ZNF18: variants seen among roughly 807,000 people sequenced by gnomAD.
ZNF18 encodes the protein heart development-specific gene 1 protein.
ZNF18 carries 42 observed loss-of-function variants against 58.1 expected under a neutral mutation model. The observed-to-expected ratio is 0.72, with a 90% CI of 0.56 to 0.93. The LOEUF is 0.93. ZNF18 is among the 40% of genes least tolerant of loss of function. The pLI, the probability that ZNF18 is intolerant of heterozygous loss-of-function variation, is 0.00. For missense variants in ZNF18, 540 were observed against 644.2 expected, an observed-to-expected ratio of 0.84 and a Z score of 1.75; for synonymous variants, 231 against 239.8, an observed-to-expected ratio of 0.96 and a Z score of 0.34.
At chr17:11,978,796 T>C (rs1251960461) in intron 6 of ZNF18, 52 bp from the exon 7 acceptor site, 3 of 976,032 alleles carry the variant, frequency 3.1e-6, no homozygotes, top group Admixed American at 2.7e-5. Context: ...CCCTGTTTTC[T>C]AACTCATATG....
intron 6 of ZNF18, 74 bp from the exon 7 acceptor site, chr17:11,978,818 G>T: frequency 3.8e-6 from 2 of 528,042 alleles, no homozygotes; most frequent in Non-Finnish European, 5.9e-6. Flanking sequence ...CAAAGAGAGG[G>T]TCATCATAAA....
rs1024285372 is a variant in ZNF18, at chr17:11,992,884, C to T, written c.-55G>A. 80 of 1,557,308 alleles carry T rather than the reference C, an allele frequency of 5.1e-5. No individual in the cohort carries two copies. In the African/African-American group the frequency reaches 8.7e-4, roughly 17 times the overall value. ...AGTGCTTCTGCAGTGGAATTGTCTCCGGCAAGAACTAGGTCTTCACCAGGA... is the reference window on the plus strand; with the variant it reads ...AGTGCTTCTGCAGTGGAATTGTCTCTGGCAAGAACTAGGTCTTCACCAGGA... On this transcript the variant is annotated 5_prime_UTR_variant, in exon 2 of 7. Coordinates refer to ENST00000580306, the MANE Select transcript of ZNF18 (RefSeq NM_001303281.2).
chr17:11,978,822 T>A, intron 6 of ZNF18, 78 bp from the exon 7 acceptor site: 5 of 320,434 alleles, frequency 1.6e-5, no homozygotes, highest in Middle Eastern at 1.2e-3. Context: ...GAGAGGGTCA[T>A]CATAAAACAT....
chr17:12,011,659 C>G, the ZNF18 span, among the ~76,000 whole-genome samples: 39 of 148,458 alleles, frequency 2.6e-4, no homozygotes, highest in Admixed American at 1.0e-3. Flanking sequence ...GCTAGGATTA[C>G]AGGTGTGAGC....
chr17:11,991,260 T>C (rs1338264767), intron 2 of ZNF18, 97 bp from the exon 3 acceptor site: 6 of 1,108,978 alleles, frequency 5.4e-6, no homozygotes, highest in African/African-American at 1.6e-5. Context: ...CATAAGACAA[T>C]TTCTAAGGAT....
At position 11,977,844 on chromosome 17, in the gene ZNF18, A is replaced by G; in HGVS notation, c.*113T>C. On this transcript the variant is annotated 3_prime_UTR_variant, in exon 7 of 7. Coordinates refer to ENST00000580306, the MANE Select transcript of ZNF18 (RefSeq NM_001303281.2). ...CAGATTCTCTCCTCTCCAATCCAAG[A>G]AAAAAGGAGATTAACAGGGGTATCC... 2 of 1,300,382 alleles carry G rather than the reference A, an allele frequency of 1.5e-6. No homozygotes were observed. The highest frequency in any genetic ancestry group is 1.1e-6 in the Non-Finnish European group (1 of 945,470). 80.6% of individuals were successfully genotyped at this position (1,300,382 alleles called of 1,614,324 possible).
chr17:12,020,832 C>T, the ZNF18 span: 2 of 837,520 alleles, frequency 2.4e-6, no homozygotes, highest in Admixed American at 4.4e-5. Flanking sequence ...GTGCGAGAGG[C>T]CGAGCTTGCT....
At chr17:12,002,927 A>C in the ZNF18 span, among the ~76,000 whole-genome samples, 1 of 152,106 alleles carries the variant, frequency 6.6e-6, no homozygotes, top group Non-Finnish European at 1.5e-5. Flanking sequence ...AGGAAGGGAG[A>C]CCAGAACAGA....
chr17:11,988,060 C>T (rs1234350528), intron 4 of ZNF18, among the ~76,000 whole-genome samples: 4 of 151,618 alleles, frequency 2.6e-5, no homozygotes, highest in East Asian at 1.9e-4. Flanking sequence ...TGTATAGGTT[C>T]GTGAAAAAAA....
chr17:12,001,401 G>A (rs576355812), upstream of ZNF18, among the ~76,000 whole-genome samples: 14 of 152,178 alleles, frequency 9.2e-5, no homozygotes, highest in Non-Finnish European at 1.6e-4. Flanking sequence ...AGGCTGAGGC[G>A]GGCGGATCAC....
the ZNF18 span, among the ~76,000 whole-genome samples, chr17:12,007,657 C>G: frequency 3.3e-5 from 5 of 152,142 alleles, no homozygotes; most frequent in Non-Finnish European, 7.3e-5. Context: ...AGTGGGAAGC[C>G]CCATCTGTCC....
chr17:11,995,331 T>C (rs1414413368), intron 1 of ZNF18, among the ~76,000 whole-genome samples: 1 of 150,084 alleles, frequency 6.7e-6, no homozygotes, highest in Non-Finnish European at 1.5e-5. Context: ...GAGAATTGCT[T>C]GAACCCAAGG....
rs767189931 is a variant in ZNF18 at position 11,992,767 on chromosome 17, G to C, written c.63C>G (p.Ser21=). ...GGGCAGCATCTGATTCTGAGAACTG[G>C]GAGTCCTCGGCCTTCGCCAGCGATG... ...LLPSLAKAED[S]QFSESDAALQ... The change falls in exon 2 of 7, where the codon TCC becomes TCG. Residue 21 remains serine (S), a synonymous_variant. Transcript: ENST00000580306. 1.9e-6 allele frequency: 3 copies of C among 1,614,072 alleles called. No homozygotes were observed. Among genetic ancestry groups the C allele is most frequent in the Admixed American group, 3.3e-5 (2 of 60,010 alleles).
intron 4 of ZNF18, among the ~76,000 whole-genome samples, chr17:11,984,517 G>T (rs200164654): frequency 2.8e-5 from 4 of 143,882 alleles, no homozygotes; most frequent in Admixed American, 6.9e-5. Context: ...TTTTATTTGG[G>T]TTTTTTTTTT....
intron 1 of ZNF18, among the ~76,000 whole-genome samples, chr17:11,996,586 T>A (rs902449307): frequency 6.6e-6 from 1 of 152,222 alleles, no homozygotes; most frequent in Non-Finnish European, 1.5e-5. Flanking sequence ...GATAACCTCA[T>A]GAGGAACTGC....
rs968252166 is a variant in ZNF18 at position 11,979,903 on chromosome 17, C to A, written c.863-1159G>T. Among the ~76,000 whole-genome samples the A allele has an allele frequency of 1.3e-5, 2 of 152,168 alleles. 1 individual carries two copies. Among genetic ancestry groups the A allele is most frequent in the Non-Finnish European group, 2.9e-5 (2 of 68,032 alleles). On this transcript the variant is annotated intron_variant, in intron 6 of 6. Coordinates refer to ENST00000580306, the MANE Select transcript of ZNF18 (RefSeq NM_001303281.2). ...TTTAAAGAGCTGAGTAATGGCCCATCAAGAAGATGTCATAATAAACATATA... is the reference window on the plus strand; with the variant it reads ...TTTAAAGAGCTGAGTAATGGCCCATAAAGAAGATGTCATAATAAACATATA...
intron 6 of ZNF18, among the ~76,000 whole-genome samples, chr17:11,982,418 G>C (rs1967420324): frequency 6.6e-6 from 1 of 151,956 alleles, no homozygotes; most frequent in Non-Finnish European, 1.5e-5. Flanking sequence ...TCACTAATTG[G>C]TTATGCAATG....
intron 1 of ZNF18, among the ~76,000 whole-genome samples, 160 bp from the exon 2 acceptor site, chr17:11,993,071 A>C (rs1264320742): frequency 2.6e-5 from 4 of 152,188 alleles, no homozygotes; most frequent in African/African-American, 9.7e-5. Flanking sequence ...TATAAACTTG[A>C]AGCCACAAAG....
the ZNF18 span, among the ~76,000 whole-genome samples, chr17:12,006,796 A>C: frequency 6.6e-6 from 1 of 152,174 alleles, no homozygotes; most frequent in South Asian, 2.1e-4. Context: ...ACAGTATTTC[A>C]ACAGTATCCA....
Sources: gnomAD v4.1 joint callset for allele counts (sites outside exome capture counted in the v4.1 genomes callset) on GRCh38, gnomAD v4.1.1 for gene constraint, MANE v1.5 for transcripts, NCBI Gene and HGNC (gene_info 2026-07-23, HGNC 2026-07-21) for gene names.